Variants in GBE1 observed in about 807,000 individuals in gnomAD.
GBE1 encodes the protein 1,4-alpha-glucan-branching enzyme.
A neutral mutation model predicts 88.8 loss-of-function variants in GBE1; 70 were observed. The observed-to-expected ratio is 0.79, with a 90% CI of 0.65 to 0.96. The LOEUF (loss-of-function observed/expected upper bound fraction) is 0.96, where lower values mean the gene tolerates loss of function less well. GBE1 is among the 40% of genes least tolerant of loss of function. GBE1 has a pLI of 0.00. For synonymous variants in GBE1, 284 were observed against 300.1 expected, an observed-to-expected ratio of 0.95 and a Z score of 0.56; for missense variants, 872 against 871.0, an observed-to-expected ratio of 1.00 and a Z score of -0.01.
At position 81,593,991 on chromosome 3, in the gene GBE1, A is replaced by C; in HGVS notation, c.1025T>G (p.Ile342Arg). Reference sequence around the variant, plus strand: ...GCGATATTCTTCCAACCACCATCTTATGTTTGACAGAAGGAATCTTAAAAT... The same window carrying C: ...GCGATATTCTTCCAACCACCATCTTCTGTTTGACAGAAGGAATCTTAAAAT... Reference protein sequence around the residue: ...WEILRFLLSNIRWWLEEYRFD... With the variant: ...WEILRFLLSNRRWWLEEYRFD... The change falls in exon 8 of 16, where the codon ATA (isoleucine) becomes AGA (arginine). Residue 342 changes from isoleucine (I) to arginine (R), a missense_variant. Coordinates refer to ENST00000429644, the MANE Select transcript of GBE1 (RefSeq NM_000158.4). 6.3e-7 allele frequency: 1 copy of C among 1,576,794 alleles called. No individual in the cohort carries two copies. The highest frequency in any genetic ancestry group is 8.6e-7 in the Non-Finnish European group (1 of 1,157,844).
intron 14 of GBE1, among the ~76,000 whole-genome samples, chr3:81,522,154 G>GC (rs1702882525): frequency 6.6e-6 from 1 of 151,436 alleles, no homozygotes; most frequent in Admixed American, 6.6e-5. Flanking sequence ...TCTGGAAGAG[G>GC]AAAAAGCAGG....
chr3:81,703,881 T>C (rs1475533837), intron 2 of GBE1, among the ~76,000 whole-genome samples: 4 of 151,976 alleles, frequency 2.6e-5, no homozygotes, highest in Admixed American at 2.6e-4. Flanking sequence ...CCAGACATGA[T>C]TGAAAGTATA....
At chr3:81,615,734 A>G (rs1452594434) in intron 7 of GBE1, among the ~76,000 whole-genome samples, 1 of 152,198 alleles carries the variant, frequency 6.6e-6, no homozygotes. Context: ...GTTACAATGA[A>G]CATTTAAGTG....
chr3:81,737,457 T>G (rs1256205473), intron 1 of GBE1, among the ~76,000 whole-genome samples: 4 of 132,186 alleles, frequency 3.0e-5, no homozygotes, highest in Admixed American at 8.0e-5. Flanking sequence ...TATATATATA[T>G]AAAAATTTCA....
chr3:81,743,875 T>C (rs1308900791), intron 1 of GBE1, among the ~76,000 whole-genome samples: 9 of 152,324 alleles, frequency 5.9e-5, no homozygotes, highest in African/African-American at 1.9e-4. Flanking sequence ...CATGACCACC[T>C]ACTTAGCCAC....
At chr3:81,602,579 T>A (rs531856885) in intron 7 of GBE1, among the ~76,000 whole-genome samples, 2 of 151,990 alleles carry the variant, frequency 1.3e-5, no homozygotes, top group South Asian at 4.2e-4. Flanking sequence ...GGGAGCTCTC[T>A]GGGGTCCCTT....
At chr3:81,680,579 G>T (rs1014888727) in intron 2 of GBE1, among the ~76,000 whole-genome samples, 2 of 151,838 alleles carry the variant, frequency 1.3e-5, no homozygotes, top group African/African-American at 4.8e-5. Context: ...CATTATTTAG[G>T]ATCTAAGGAT....
At chr3:81,609,594 C>A (rs1017245995) in intron 7 of GBE1, among the ~76,000 whole-genome samples, 8 of 150,724 alleles carry the variant, frequency 5.3e-5, no homozygotes, top group Non-Finnish European at 1.2e-4. Flanking sequence ...TGCTTTTTTG[C>A]TTTCTTTTGT....
At chr3:81,758,176 A>G (rs935459482) in intron 1 of GBE1, among the ~76,000 whole-genome samples, 1 of 152,220 alleles carries the variant, frequency 6.6e-6, no homozygotes, top group Non-Finnish European at 1.5e-5. Flanking sequence ...TAGTTTCTTC[A>G]TCTGCAAAAC....
chr3:81,737,396 A>ATTTTT (rs1575771879), intron 1 of GBE1, among the ~76,000 whole-genome samples: 8 of 32,956 alleles, frequency 2.4e-4, no homozygotes, highest in East Asian at 1.6e-3. Flanking sequence ...TATTTATATA[A>ATTTTT]ATATATTTTT....
At chr3:81,628,690 T>C (rs1005765480) in intron 7 of GBE1, among the ~76,000 whole-genome samples, 10 of 139,864 alleles carry the variant, frequency 7.1e-5, no homozygotes, top group South Asian at 2.3e-4. Flanking sequence ...ATTCTACCCA[T>C]CATTTAAGCA....
At chr3:81,665,943 G>C (rs1178221910) in intron 3 of GBE1, among the ~76,000 whole-genome samples, 1 of 152,106 alleles carries the variant, frequency 6.6e-6, no homozygotes, top group Non-Finnish European at 1.5e-5. Flanking sequence ...AAACAGACTT[G>C]AGTGATCTAG....
At chr3:81,604,422 G>A (rs979045342) in intron 7 of GBE1, among the ~76,000 whole-genome samples, 5 of 151,390 alleles carry the variant, frequency 3.3e-5, no homozygotes, top group Non-Finnish European at 5.9e-5. Flanking sequence ...AAGTAGCTGG[G>A]ATGACAGGAG....
At chr3:81,583,238 G>C (rs1271043615) in intron 10 of GBE1, among the ~76,000 whole-genome samples, 4 of 152,136 alleles carry the variant, frequency 2.6e-5, no homozygotes, top group African/African-American at 9.7e-5. Context: ...TGGTGAGGAT[G>C]TATAGAGGCA....
Position 81,722,879 on chromosome 3 carries a change from CGT to C in GBE1, c.144-17268_144-17267del, listed in dbSNP as rs368999331. Among the ~76,000 whole-genome samples the C allele has an allele frequency of 7.4e-3, 1,048 of 142,580 alleles. 8 individuals are homozygous for C. Among genetic ancestry groups the C allele is most frequent in the Middle Eastern group, 0.018 (5 of 276 alleles). 93.5% of individuals were successfully genotyped at this position (142,580 alleles called of 152,430 possible). On this transcript the variant is annotated intron_variant, in intron 1 of 15. Transcript: ENST00000429644. ...TAGGGTATGTGCATGGGCACACACA[CGT>C]GTGTGTGTGTGTGTGTATATATATA...
chr3:81,623,342 T>C (rs1704359020), intron 7 of GBE1, among the ~76,000 whole-genome samples: 1 of 152,220 alleles, frequency 6.6e-6, no homozygotes, highest in Admixed American at 6.5e-5. Flanking sequence ...GTCACTTCAT[T>C]CAGGTCTCTG....
At chr3:81,738,823 T>C (rs903850508) in intron 1 of GBE1, among the ~76,000 whole-genome samples, 17 of 152,154 alleles carry the variant, frequency 1.1e-4, no homozygotes, top group Non-Finnish European at 2.2e-4. Context: ...ATTACAAAAT[T>C]AAGGGTTAGG....
At chr3:81,713,426 C>A (rs1705898881) in intron 1 of GBE1, among the ~76,000 whole-genome samples, 1 of 152,098 alleles carries the variant, frequency 6.6e-6, no homozygotes, top group East Asian at 1.9e-4. Context: ...AGATTGTCTG[C>A]AATCAGATAA....
At chr3:81,634,981 C>T (rs941319460) in intron 7 of GBE1, among the ~76,000 whole-genome samples, 7 of 152,148 alleles carry the variant, frequency 4.6e-5, no homozygotes, top group Middle Eastern at 3.4e-3. Context: ...AAGGGGAACC[C>T]ACCTGGACAG....
Sources: allele counts gnomAD v4.1 joint callset (sites outside exome capture counted in the v4.1 genomes callset), GRCh38; gene constraint gnomAD v4.1.1; transcripts MANE v1.5; gene names NCBI Gene and HGNC (gene_info 2026-07-23, HGNC 2026-07-21).